The following ABL2 variants were observed in gnomAD, a reference collection of about 807,000 sequenced individuals.
The protein encoded by ABL2 is ABL proto-oncogene 2, non-receptor tyrosine kinase.
A neutral mutation model predicts 107.7 loss-of-function variants in ABL2; 49 were observed. The observed-to-expected ratio is 0.45, with a 90% CI of 0.36 to 0.58. ABL2 has a LOEUF of 0.58. ABL2 is among the 20% of genes least tolerant of loss of function. ABL2 has a pLI of 0.00. For synonymous variants in ABL2, 549 were observed against 548.6 expected, an observed-to-expected ratio of 1.00 and a Z score of -0.01; for missense variants, 1,245 against 1,457.0, an observed-to-expected ratio of 0.85 and a Z score of 2.37.
chr1:179,126,327 T>C lies in ABL2; in HGVS notation c.687+50A>G. ...TCACTTCAATCACGTTGAATATTAT[T>C]TCACAGAGTAGCCAGTCCATGCTTA... is the stretch of plus-strand genomic sequence containing the variant. On this transcript the variant is annotated intron_variant, in intron 4 of 11. Transcript: ENST00000502732. The surrounding 1 kb of genome is among the most constrained non-coding windows in gnomAD (Gnocchi z 4.4). 1 of 1,548,576 alleles carries C rather than the reference T, an allele frequency of 6.5e-7. No homozygotes were observed.
intron 1 of ABL2, among the ~76,000 whole-genome samples, chr1:179,158,763 C>T (rs988829234): frequency 6.6e-6 from 1 of 152,122 alleles, no homozygotes; most frequent in South Asian, 2.1e-4. Flanking sequence ...CCAAATCTAG[C>T]AGGATAATAA....
intron 1 of ABL2, among the ~76,000 whole-genome samples, chr1:179,227,861 G>A (rs10157052): frequency 0.02 from 3,076 of 151,782 alleles, 113 homozygotes; most frequent in African/African-American, 0.072. Flanking sequence ...GACCAGCCTG[G>A]CCAACATAGA....
intron 1 of ABL2, among the ~76,000 whole-genome samples, chr1:179,174,914 T>TA (rs200287014): frequency 9.0e-6 from 1 of 110,844 alleles, no homozygotes; most frequent in South Asian, 2.9e-4. Context: ...AAAAATAAAA[T>TA]AAAAAAAATA....
chr1:179,208,636 A>G (rs1190518606), intron 1 of ABL2, among the ~76,000 whole-genome samples: 1 of 152,124 alleles, frequency 6.6e-6, no homozygotes, highest in Non-Finnish European at 1.5e-5. Flanking sequence ...AAGCTCTGCA[A>G]CCTACTAGCT....
chr1:179,141,040 C>T (rs907308465), intron 1 of ABL2, among the ~76,000 whole-genome samples: 2 of 148,796 alleles, frequency 1.3e-5, no homozygotes, highest in Non-Finnish European at 3.0e-5. Context: ...TGCTTGAACC[C>T]GGGAGGCAGA....
chr1:179,150,365 G>A (rs560802227), intron 1 of ABL2, among the ~76,000 whole-genome samples: 1 of 152,286 alleles, frequency 6.6e-6, no homozygotes, highest in South Asian at 2.1e-4. Context: ...CATCATTCAT[G>A]GGAAGAGGTC....
chr1:179,144,375 G>A (rs2102714365), intron 1 of ABL2, among the ~76,000 whole-genome samples: 1 of 152,190 alleles, frequency 6.6e-6, no homozygotes, highest in Admixed American at 6.5e-5. Context: ...CAGGAGAAAG[G>A]CATGAACCCA....
intron 1 of ABL2, among the ~76,000 whole-genome samples, chr1:179,142,063 C>T (rs564504693): frequency 4.6e-5 from 7 of 152,278 alleles, no homozygotes; most frequent in Admixed American, 2.0e-4. Context: ...GTACTGTATA[C>T]GCCCAAATGC....
chr1:179,175,108 T>A (rs886228473), intron 1 of ABL2, among the ~76,000 whole-genome samples: 5 of 152,006 alleles, frequency 3.3e-5, no homozygotes, highest in African/African-American at 1.2e-4. Flanking sequence ...GATCCTGAAC[T>A]CCTGGCCTCA....
intron 1 of ABL2, among the ~76,000 whole-genome samples, chr1:179,186,587 G>C (rs1250971634): frequency 6.6e-6 from 1 of 151,718 alleles, no homozygotes; most frequent in Middle Eastern, 3.2e-3. Context: ...CACCATGTTG[G>C]CCAGGCTGGT....
At chr1:179,201,524 G>A (rs1661666076) in intron 1 of ABL2, 2 of 308,370 alleles carry the variant, frequency 6.5e-6, no homozygotes, top group Admixed American at 4.5e-5. Context: ...AACATCCAGT[G>A]CCCCTCTCAG....
chr1:179,110,674 G>C, intron 10 of ABL2: 1 of 1,569,214 alleles, frequency 6.4e-7, no homozygotes, highest in Non-Finnish European at 8.7e-7. Flanking sequence ...GGTTCTCATT[G>C]CTGTGTAGCA....
chr1:179,212,153 G>A (rs1662311346), intron 1 of ABL2, among the ~76,000 whole-genome samples: 1 of 152,174 alleles, frequency 6.6e-6, no homozygotes, highest in Admixed American at 6.6e-5. Flanking sequence ...ATCAGACATG[G>A]TGAGAACTTA....
chr1:179,110,785 C>T (rs1164760256), intron 10 of ABL2: 19 of 1,613,844 alleles, frequency 1.2e-5, no homozygotes, highest in Non-Finnish European at 1.6e-5. Flanking sequence ...CTAGCATCAT[C>T]CTGCTCTGTG....
At chr1:179,226,026 A>G (rs374761174) in intron 1 of ABL2, among the ~76,000 whole-genome samples, 7 of 133,548 alleles carry the variant, frequency 5.2e-5, no homozygotes, top group African/African-American at 2.0e-4. Flanking sequence ...CCTGGGCGAC[A>G]GAGTGAGACT....
chr1:179,221,010 A>C (rs1558007998), intron 1 of ABL2: 1 of 215,094 alleles, frequency 4.6e-6, no homozygotes, highest in East Asian at 1.0e-4. Flanking sequence ...GCCAATTTAC[A>C]GATGAGGCTT....
chr1:179,109,989 C>G (rs945726426), intron 11 of ABL2, among the ~76,000 whole-genome samples: 1 of 151,974 alleles, frequency 6.6e-6, no homozygotes, highest in Non-Finnish European at 1.5e-5. Flanking sequence ...TACCTCAACA[C>G]TCATCCTTTC....
At chr1:179,221,900 T>A (rs1245423841) in intron 1 of ABL2, 1 of 233,946 alleles carries the variant, frequency 4.3e-6, no homozygotes, top group Non-Finnish European at 9.6e-6. Context: ...GTGCCAAGGA[T>A]CCATGAAATG....
At position 179,100,108 on chromosome 1, in the gene ABL2, T is replaced by C. The variant is rs1346731060; in HGVS notation, c.*7610A>G. ...TATGCCCTAAAGAACCATAAACAAG[T>C]ATCTCATTGTTCCTTTCTAGTTTCT... On this transcript the variant is annotated 3_prime_UTR_variant, in exon 12 of 12. Transcript: ENST00000502732. 4.3e-6 allele frequency: 1 copy of C among 231,694 alleles called. No homozygotes were observed. The highest frequency in any genetic ancestry group is 2.2e-5 in the African/African-American group (1 of 45,268). The allele number at this position is 231,694 out of a possible 1,614,324, so 14.4% of individuals were successfully genotyped here.
Sources: gnomAD v4.1 joint callset for allele counts (sites outside exome capture counted in the v4.1 genomes callset) on GRCh38, gnomAD v4.1.1 for gene constraint, Gnocchi (gnomAD v3.1) non-coding constraint, MANE v1.5 for transcripts, NCBI Gene and HGNC (gene_info 2026-07-23, HGNC 2026-07-21) for gene names.